SOX6: variants seen among roughly 807,000 people sequenced by gnomAD.
SOX6 encodes the protein SRY-box transcription factor 6, also known as transcription factor SOX-6.
Under a neutral mutation model 97.8 loss-of-function variants are expected in SOX6, and 11 were observed. The observed-to-expected ratio is 0.11, with a 90% CI of 0.07 to 0.19. The LOEUF (loss-of-function observed/expected upper bound fraction) is 0.19, where lower values mean the gene tolerates loss of function less well. Among genes scored for constraint, SOX6 ranks in the 10% least tolerant of loss-of-function variants. The pLI, the probability that SOX6 is intolerant of heterozygous loss-of-function variation, is 1.00. For synonymous variants in SOX6, 360 were observed against 371.4 expected, an observed-to-expected ratio of 0.97 and a Z score of 0.35; for missense variants, 810 against 1,039.5, an observed-to-expected ratio of 0.78 and a Z score of 3.04.
At chr11:16,033,689 G>A (rs555273518) in intron 12 of SOX6, among the ~76,000 whole-genome samples, 4 of 152,124 alleles carry the variant, frequency 2.6e-5, no homozygotes, top group East Asian at 1.9e-4. Flanking sequence ...TGGCCAACAC[G>A]GTGAAACCCC....
Position 16,444,320 on chromosome 11 carries a change from G to A in SOX6, c.-5+31995C>T, listed in dbSNP as rs950932202. Among the ~76,000 whole-genome samples the A allele has an allele frequency of 7.9e-5, 12 of 152,228 alleles. No individual in the cohort carries two copies. In the East Asian group the frequency reaches 2.1e-3, roughly 27 times the overall value. ...ATCTTTGTCTTTTCTGAGATAGCAT[G>A]GAATAAAGTAATAGTAATTACAGTA... On this transcript the variant is annotated intron_variant, in intron 1 of 15. Transcript: ENST00000396356.
chr11:16,157,433 C>T (rs1850632238), intron 6 of SOX6, among the ~76,000 whole-genome samples: 1 of 151,926 alleles, frequency 6.6e-6, no homozygotes, highest in African/African-American at 2.4e-5. Flanking sequence ...GATAATTCAG[C>T]ATGTCAAAAA....
intron 1 of SOX6, chr11:16,408,886 A>G (rs553575045): frequency 6.6e-6 from 1 of 152,222 alleles, no homozygotes; most frequent in East Asian, 1.9e-4. Context: ...ACCCCAAGGA[A>G]AGACTCACAA....
In SOX6 at chr11:16,509,680, CT is replaced by C. The variant is rs541307526; in HGVS notation, n.610-33293del. Among the ~76,000 whole-genome samples, 59 of 152,028 alleles carry C rather than the reference CT, an allele frequency of 3.9e-4. No homozygotes were observed. The East Asian group carries it at 7.3e-3, about 19-fold the overall frequency. The stretch of plus-strand genomic sequence containing the variant: ...GACAGGTCCACAGAAAATATACTCC[CT>C]TTTTAAATTTTTAATAGTTTTTAAA... On this transcript the variant is annotated intron_variant and non_coding_transcript_variant, in intron 4 of 5. Coordinates refer to the SOX6 transcript ENST00000524520.
chr11:16,403,438 G>C (rs182680524), intron 1 of SOX6, among the ~76,000 whole-genome samples: 1 of 151,832 alleles, frequency 6.6e-6, no homozygotes, highest in East Asian at 1.9e-4. Context: ...ACTCTTGATG[G>C]ACTAGTAGTT....
At chr11:16,692,103 T>C (rs1366125760) in intron 3 of SOX6, among the ~76,000 whole-genome samples, 1 of 147,112 alleles carries the variant, frequency 6.8e-6, no homozygotes, top group Non-Finnish European at 1.5e-5. Context: ...GCGCGCGCTT[T>C]CTGAGTCTTG....
intron 4 of SOX6, among the ~76,000 whole-genome samples, chr11:16,483,235 T>C (rs1032300441): frequency 5.3e-5 from 8 of 152,186 alleles, no homozygotes; most frequent in Non-Finnish European, 1.2e-4. Context: ...GCAAGTATAA[T>C]ATAGTAAATG....
chr11:16,093,537 T>A (rs2133970756), intron 9 of SOX6, among the ~76,000 whole-genome samples: 1 of 152,084 alleles, frequency 6.6e-6, no homozygotes, highest in East Asian at 1.9e-4. Flanking sequence ...AATGACAACC[T>A]TTGAAGGACA....
At chr11:16,317,522 A>G (rs965051587) in intron 3 of SOX6, 1 of 153,964 alleles carries the variant, frequency 6.5e-6, no homozygotes, top group Admixed American at 6.5e-5. Flanking sequence ...ATTTTGTGTC[A>G]TATTACCTGA....
intron 2 of SOX6, among the ~76,000 whole-genome samples, chr11:16,334,817 G>A (rs1645558676): frequency 6.6e-6 from 1 of 152,140 alleles, no homozygotes; most frequent in South Asian, 2.1e-4. Flanking sequence ...GGCATATTAT[G>A]TAATTAAGAA....
chr11:16,309,719 T>A (rs1310306954), intron 3 of SOX6, among the ~76,000 whole-genome samples: 1 of 152,144 alleles, frequency 6.6e-6, no homozygotes, highest in African/African-American at 2.4e-5. Flanking sequence ...CACTTCCTTT[T>A]CTGTTCATTT....
chr11:15,993,946 G>A (rs10832543), intron 13 of SOX6, among the ~76,000 whole-genome samples: 47,266 of 152,002 alleles, frequency 0.31, 8,673 homozygotes, highest in Non-Finnish European at 0.41. Context: ...TGAGTGCCTG[G>A]TGCACATATA....
At chr11:16,133,662 GGTTTTGTTTTGTTTT>G (rs113326765) in intron 6 of SOX6, among the ~76,000 whole-genome samples, 68 of 151,348 alleles carry the variant, frequency 4.5e-4, no homozygotes, top group Non-Finnish European at 6.5e-4. Flanking sequence ...TTATTATACA[GGTTTTGTTTTGTTTT>G]GTTTTGTTTT....
intron 14 of SOX6, 118 bp downstream of exon 14, chr11:15,988,879 A>C: frequency 9.7e-7 from 1 of 1,034,742 alleles, no homozygotes; most frequent in East Asian, 2.4e-5. Context: ...ACCTTCGTCT[A>C]ACTTGCGCCC....
chr11:16,434,369 G>A (rs892032758), intron 1 of SOX6: 2 of 152,024 alleles, frequency 1.3e-5, no homozygotes, highest in African/African-American at 4.8e-5. Flanking sequence ...AGTTACTAAA[G>A]TTCCTGGCAT....
intron 4 of SOX6, among the ~76,000 whole-genome samples, chr11:16,227,225 C>T (rs1852713079): frequency 6.6e-6 from 1 of 152,142 alleles, no homozygotes; most frequent in African/African-American, 2.4e-5. Context: ...TTTTGAAAGT[C>T]AGTCTTCTAA....
At chr11:15,993,527 C>T (rs1247586813) in intron 13 of SOX6, among the ~76,000 whole-genome samples, 3 of 152,110 alleles carry the variant, frequency 2.0e-5, no homozygotes, top group Non-Finnish European at 4.4e-5. Flanking sequence ...TCTTTAATTA[C>T]CAGCAACAGC....
chr11:16,286,926 T>C (rs1478871963), intron 3 of SOX6, among the ~76,000 whole-genome samples: 1 of 152,080 alleles, frequency 6.6e-6, no homozygotes, highest in Non-Finnish European at 1.5e-5. Flanking sequence ...GGGCTCATCA[T>C]ACTATTTTCT....
At chr11:16,631,130 G>T (rs1848701471) in intron 3 of SOX6, among the ~76,000 whole-genome samples, 2 of 151,988 alleles carry the variant, frequency 1.3e-5, no homozygotes, top group South Asian at 2.1e-4. Context: ...TCATAAGGTT[G>T]TTACTTTGTT....
Sources: allele counts gnomAD v4.1 joint callset (sites outside exome capture counted in the v4.1 genomes callset), GRCh38; gene constraint gnomAD v4.1.1; transcripts MANE v1.5; gene names NCBI Gene and HGNC (gene_info 2026-07-23, HGNC 2026-07-21).